VWA8: variants seen among roughly 807,000 people sequenced by gnomAD.
The protein encoded by VWA8 is von Willebrand factor A domain-containing protein 8.
In VWA8, 221 loss-of-function variants were observed where a neutral mutation model predicts 241.5. The observed-to-expected ratio is 0.91, with a 90% confidence interval of 0.82 to 1.02. The LOEUF is 1.02. Ranked by LOEUF, VWA8 falls within the 50% of genes least tolerant of loss-of-function variation. The probability of loss-of-function intolerance (pLI) is 0.00; values close to 1 mark genes in which losing one functional copy is unlikely to be tolerated. For synonymous variants in VWA8, 852 were observed against 827.1 expected (o/e 1.03, Z -0.52); for missense variants, 2,322 against 2,328.7 (o/e 1.00, Z 0.06).
intron 2 of VWA8, among the ~76,000 whole-genome samples, chr13:41,920,527 T>C (rs1876470343): frequency 6.6e-6 from 1 of 151,720 alleles, no homozygotes; most frequent in African/African-American, 2.4e-5. Context: ...ATCAATAAAA[T>C]TGATAGACCG....
rs544002681 is a variant in VWA8 at position 41,799,185 on chromosome 13, TC to T, written c.2064-11643del. Among the ~76,000 whole-genome samples, 864 of 152,310 alleles carry T rather than the reference TC, an allele frequency of 5.7e-3. 8 individuals carry two copies. Among genetic ancestry groups the T allele is most frequent in the Non-Finnish European group, 0.01 (696 of 68,022 alleles). Reference sequence around the variant, plus strand: ...ATCTGCCAAATCTCTTATGGTTTTTTCCCCCTAGATATGGTTTATTACTTTT... The same window carrying T: ...ATCTGCCAAATCTCTTATGGTTTTTTCCCCTAGATATGGTTTATTACTTTT... On this transcript the variant is annotated intron_variant, in intron 17 of 44. Coordinates refer to ENST00000379310, the MANE Select transcript of VWA8 (RefSeq NM_015058.2).
chr13:41,947,232 T>C (rs879757806), intron 2 of VWA8, among the ~76,000 whole-genome samples: 3 of 152,224 alleles, frequency 2.0e-5, no homozygotes, highest in Non-Finnish European at 4.4e-5. Context: ...ATCATTGATT[T>C]ATTTTTTCTT....
At chr13:41,655,700 G>C (rs914261535) in intron 37 of VWA8, among the ~76,000 whole-genome samples, 12 of 152,252 alleles carry the variant, frequency 7.9e-5, no homozygotes, top group South Asian at 4.1e-4. Context: ...CCAAAGATTA[G>C]AAGATATTAG....
chr13:41,959,618 T>TTTTTTTTTTTG (rs1878516423), intron 1 of VWA8, among the ~76,000 whole-genome samples: 1 of 136,394 alleles, frequency 7.3e-6, no homozygotes, highest in Non-Finnish European at 1.6e-5. Context: ...TTTTTTTTTT[T>TTTTTTTTTTTG]TTTTTTTGAG....
intron 19 of VWA8, among the ~76,000 whole-genome samples, chr13:41,778,267 G>A (rs1868710004): frequency 6.6e-6 from 1 of 152,086 alleles, no homozygotes; most frequent in African/African-American, 2.4e-5. Flanking sequence ...TAGTCCACCT[G>A]AGCAAAACTA....
intron 20 of VWA8, among the ~76,000 whole-genome samples, chr13:41,770,859 C>T (rs2045816685): frequency 7.7e-6 from 1 of 129,572 alleles, no homozygotes; most frequent in African/African-American, 3.0e-5. Context: ...TTTTACCAGA[C>T]TGTTATTTTG....
intron 35 of VWA8, among the ~76,000 whole-genome samples, chr13:41,680,673 A>G (rs2045092688): frequency 6.6e-6 from 1 of 152,168 alleles, no homozygotes; most frequent in Admixed American, 6.5e-5. Context: ...CCCTTACAAG[A>G]GTAGATTAGG....
chr13:41,721,322 TA>T (rs2045388178), intron 25 of VWA8, 47 bp downstream of exon 25: 2 of 1,594,622 alleles, frequency 1.3e-6, no homozygotes, highest in Non-Finnish European at 8.6e-7. Context: ...TCTGAAAAAA[TA>T]AAAAAGAGAG....
chr13:41,751,426 T>A (rs187604143), intron 21 of VWA8, among the ~76,000 whole-genome samples: 297 of 152,294 alleles, frequency 2.0e-3, no homozygotes, highest in African/African-American at 6.9e-3. Context: ...GGGCTCCAGT[T>A]CTCTAGTGCT....
chr13:41,843,285 A>T (rs1272593645), intron 12 of VWA8, among the ~76,000 whole-genome samples: 1 of 152,154 alleles, frequency 6.6e-6, no homozygotes, highest in Non-Finnish European at 1.5e-5. Context: ...ACTTTGTTGC[A>T]TTTTATCACA....
chr13:41,684,623 T>C (rs183355541), intron 35 of VWA8, among the ~76,000 whole-genome samples: 8 of 152,260 alleles, frequency 5.3e-5, no homozygotes, highest in East Asian at 1.9e-4. Flanking sequence ...ATCCCAGGAA[T>C]TGGATATTTT....
intron 12 of VWA8, among the ~76,000 whole-genome samples, chr13:41,843,740 G>T: frequency 6.6e-6 from 1 of 151,918 alleles, no homozygotes; most frequent in Non-Finnish European, 1.5e-5. Context: ...AAAATCTAGA[G>T]GAAATGGATA....
At position 41,731,982 on chromosome 13, in the gene VWA8, C is replaced by G. The variant is rs2045487387; in HGVS notation, c.2502+98G>C. ...TCTTTATAAGCAGCATGAAAACAGA[C>G]TAATACGTAATCCATGAGAGTTCCA... On this transcript the variant is annotated intron_variant, in intron 22 of 44. Transcript: ENST00000379310. 4.0e-6 allele frequency: 4 copies of G among 1,010,550 alleles called. No individual in the cohort carries two copies. In the East Asian group the frequency reaches 1.0e-4, roughly 26 times the overall value. The allele number at this position is 1,010,550 out of a possible 1,614,324, so 62.6% of individuals were successfully genotyped here. A position where few individuals can be genotyped will look rare whatever the true frequency, so the allele number is the denominator to read the frequency against.
chr13:41,840,907 T>C (rs1380755769), intron 12 of VWA8, among the ~76,000 whole-genome samples: 2 of 152,150 alleles, frequency 1.3e-5, no homozygotes, highest in Non-Finnish European at 2.9e-5. Flanking sequence ...GAGTTAAAAA[T>C]AGAAGTAATA....
chr13:41,810,788 T>C (rs1472434052), intron 17 of VWA8, among the ~76,000 whole-genome samples: 2 of 152,090 alleles, frequency 1.3e-5, no homozygotes, highest in Non-Finnish European at 2.9e-5. Context: ...TGCAAAGAAA[T>C]GATAAATGCT....
At chr13:41,773,385 G>A (rs148798441) in intron 20 of VWA8, among the ~76,000 whole-genome samples, 2 of 152,214 alleles carry the variant, frequency 1.3e-5, no homozygotes, top group East Asian at 1.9e-4. Context: ...ATGAAACAAG[G>A]CATTTTTTAA....
intron 9 of VWA8, among the ~76,000 whole-genome samples, chr13:41,882,206 G>C (rs1428389004): frequency 1.3e-5 from 2 of 151,662 alleles, no homozygotes; most frequent in Non-Finnish European, 2.9e-5. Flanking sequence ...TCAGACGATG[G>C]GCGGCCGGGC....
chr13:41,587,700 T>G, intron 41 of VWA8, 30 bp from the exon 42 acceptor site: 2 of 1,610,766 alleles, frequency 1.2e-6, no homozygotes, highest in Non-Finnish European at 1.7e-6. Context: ...AAAAGCCGTT[T>G]GTGAACTGGC....
At position 41,868,451 on chromosome 13, in the gene VWA8, G is replaced by A; in HGVS notation, c.1107C>T (p.Ser369=). The A allele has an allele frequency of 1.2e-6, 2 of 1,613,758 alleles. No homozygotes were observed. The highest frequency in any genetic ancestry group is 1.7e-6 in the Non-Finnish European group (2 of 1,179,886). ...TTACAATCTCTTTAGGAAGTAGAGAGCTTCCTGAATCTTGAAGTTCAAAGC... is the reference window on the plus strand; with the variant it reads ...TTACAATCTCTTTAGGAAGTAGAGAACTTCCTGAATCTTGAAGTTCAAAGC... The part of the protein sequence containing the change: ...LKRFELQDSG[S]SLLPKEIVKV... Residue 369 remains serine, a synonymous_variant, in exon 10 of 45, where the codon AGC becomes AGT. Transcript: ENST00000379310.
Sources: gnomAD v4.1 joint callset for allele counts (sites outside exome capture counted in the v4.1 genomes callset) on GRCh38, gnomAD v4.1.1 for gene constraint, MANE v1.5 for transcripts, NCBI Gene and HGNC (gene_info 2026-07-23, HGNC 2026-07-21) for gene names.